The following PRH1 variants were observed in gnomAD, a reference collection of about 807,000 sequenced individuals.
PRH1 encodes the protein proline rich protein HaeIII subfamily 1.
PRH1 carries 7 observed loss-of-function variants against 7.9 expected under a neutral mutation model. That is an observed-to-expected ratio of 0.89 (90% CI 0.50 to 1.67). The LOEUF (loss-of-function observed/expected upper bound fraction) is 1.67, where lower values mean the gene tolerates loss of function less well. Among genes scored for constraint, PRH1 ranks in the 40% most tolerant of loss-of-function variants. PRH1 has a pLI of 0.00. For missense variants in PRH1, 109 were observed against 223.6 expected (o/e 0.49, Z 3.27); for synonymous variants, 45 against 80.8 (o/e 0.56, Z 2.38).
intron 2 of PRH1, among the ~76,000 whole-genome samples, chr12:10,961,959 A>G (rs894019342): frequency 1.3e-5 from 2 of 152,132 alleles, no homozygotes; most frequent in Non-Finnish European, 2.9e-5. Context: ...CACACAACAC[A>G]TTGTTACAAT....
chr12:10,910,511 G>A (rs1405586385), intron 2 of PRH1, among the ~76,000 whole-genome samples: 1 of 151,992 alleles, frequency 6.6e-6, no homozygotes, highest in Non-Finnish European at 1.5e-5. Flanking sequence ...AAAATATATA[G>A]TGTGGTGTCT....
chr12:10,941,495 T>A (rs1158128923), intron 2 of PRH1, among the ~76,000 whole-genome samples: 2 of 152,016 alleles, frequency 1.3e-5, no homozygotes, highest in African/African-American at 4.8e-5. Context: ...AACTTTTTTA[T>A]GCATCAAAAT....
chr12:11,020,987 C>T lies in PRH1; in HGVS notation c.-126+26033G>A, dbSNP rs182297405. On this transcript the variant is annotated intron_variant, in intron 1 of 3. Coordinates refer to the PRH1 transcript ENST00000539853. Reference sequence around the variant, plus strand: ...CACTGAAATGATCATCAGCATGTTTCTTCATTCCTATTATAGAAATGATTT... The same window carrying T: ...CACTGAAATGATCATCAGCATGTTTTTTCATTCCTATTATAGAAATGATTT... Among the ~76,000 whole-genome samples, 522 of 152,316 alleles carry T rather than the reference C, an allele frequency of 3.4e-3. 4 individuals are homozygous for T. The highest frequency in any genetic ancestry group is 0.012 in the African/African-American group (485 of 41,566).
At chr12:11,057,920 AT>A (rs1246803563) in intron 1 of PRH1, among the ~76,000 whole-genome samples, 5 of 152,232 alleles carry the variant, frequency 3.3e-5, no homozygotes. Context: ...TTTAATTTAC[AT>A]TTTTTTAAAA....
chr12:11,151,386 G>A (rs61928562), intron 1 of PRH1, among the ~76,000 whole-genome samples: 68,927 of 151,652 alleles, frequency 0.45, 16,427 homozygotes, highest in Non-Finnish European at 0.52. Context: ...GTTGAGAAAT[G>A]CACAGAGGGG....
chr12:10,923,019 G>T lies in PRH1; in HGVS notation c.-58-38744C>A, dbSNP rs955333137. ...AATTTTTTGTATTTTTAGTAGAAAC[G>T]GGGTTTCACCTTGTTAGCCAGGATG... On this transcript the variant is annotated intron_variant, in intron 2 of 3. Transcript: ENST00000539853. 7.3e-5 allele frequency among the ~76,000 whole-genome samples: 11 copies of T among 149,752 alleles called. No homozygotes were observed. In the South Asian group the frequency reaches 2.4e-3, roughly 32 times the overall value.
At chr12:10,957,983 C>T in intron 2 of PRH1, among the ~76,000 whole-genome samples, 1 of 152,106 alleles carries the variant, frequency 6.6e-6, no homozygotes, top group Non-Finnish European at 1.5e-5. Context: ...TTAGTCCAGC[C>T]ATTGTGGAAA....
intron 1 of PRH1, among the ~76,000 whole-genome samples, chr12:11,108,673 C>G (rs1945501246): frequency 1.3e-5 from 2 of 152,210 alleles, no homozygotes; most frequent in African/African-American, 4.8e-5. Context: ...TCGTAACCCA[C>G]AAACCAGGAG....
chr12:10,939,213 G>A (rs1351682421), intron 2 of PRH1: 3 of 1,499,258 alleles, frequency 2.0e-6, no homozygotes, highest in African/African-American at 2.8e-5. Flanking sequence ...CCCATTGCCT[G>A]TAAGAGCATG....
intron 2 of PRH1, among the ~76,000 whole-genome samples, chr12:10,940,610 C>G (rs1050234153): frequency 4.6e-5 from 7 of 152,116 alleles, no homozygotes; most frequent in African/African-American, 1.7e-4. Context: ...ACTCACTCTC[C>G]CAGCAACATC....
At chr12:11,136,019 A>C (rs1490118925) in intron 1 of PRH1, among the ~76,000 whole-genome samples, 1 of 152,198 alleles carries the variant, frequency 6.6e-6, no homozygotes, top group Non-Finnish European at 1.5e-5. Flanking sequence ...AGTAACCATT[A>C]TGTGGAGCAA....
At chr12:10,911,418 GTC>G (rs1203052658) in intron 2 of PRH1, among the ~76,000 whole-genome samples, 2 of 152,162 alleles carry the variant, frequency 1.3e-5, no homozygotes, top group African/African-American at 2.4e-5. Context: ...AAGAGATGTA[GTC>G]TCTCACTTCT....
At chr12:10,929,878 T>G (rs985243288) in intron 2 of PRH1, among the ~76,000 whole-genome samples, 1 of 152,216 alleles carries the variant, frequency 6.6e-6, no homozygotes, top group Admixed American at 6.5e-5. Context: ...ATTTGTAAGA[T>G]TGTATCTAAG....
At chr12:10,938,582 C>A in intron 2 of PRH1, 2 of 1,613,802 alleles carry the variant, frequency 1.2e-6, no homozygotes, top group South Asian at 1.1e-5. Context: ...CATCTTCTTG[C>A]GATGTTTCCA....
At chr12:11,161,808 T>C (rs756206243) in intron 1 of PRH1, among the ~76,000 whole-genome samples, 76 of 152,006 alleles carry the variant, frequency 5.0e-4, no homozygotes, top group Non-Finnish European at 8.7e-4. Context: ...GCCACCAAAG[T>C]GAAAGAAAGA....
At chr12:11,072,201 G>A (rs1265530939) in intron 1 of PRH1, among the ~76,000 whole-genome samples, 1 of 152,112 alleles carries the variant, frequency 6.6e-6, no homozygotes, top group African/African-American at 2.4e-5. Flanking sequence ...AGCCCAGGGT[G>A]GTCTGGAACT....
At chr12:10,890,949 C>A (rs888448535) in intron 2 of PRH1, among the ~76,000 whole-genome samples, 1 of 152,012 alleles carries the variant, frequency 6.6e-6, no homozygotes, top group African/African-American at 2.4e-5. Flanking sequence ...CACCCCTTCC[C>A]CCAACCCCCA....
intron 1 of PRH1, among the ~76,000 whole-genome samples, chr12:11,070,145 G>A (rs11560810): frequency 0.45 from 66,752 of 149,820 alleles, 15,366 homozygotes; most frequent in Non-Finnish European, 0.52. Context: ...ATAATAATTG[G>A]TCACAGGCGC....
At chr12:10,935,730 C>T (rs1950277616) in intron 2 of PRH1, among the ~76,000 whole-genome samples, 1 of 152,058 alleles carries the variant, frequency 6.6e-6, no homozygotes, top group South Asian at 2.1e-4. Flanking sequence ...AGTTAAATCC[C>T]AATATATTCT....
Sources: gnomAD v4.1 joint callset for allele counts (sites outside exome capture counted in the v4.1 genomes callset) on GRCh38, gnomAD v4.1.1 for gene constraint, MANE v1.5 for transcripts, NCBI Gene and HGNC (gene_info 2026-07-23, HGNC 2026-07-21) for gene names.